Variants in NBN observed in about 807,000 individuals in gnomAD.
The protein encoded by NBN is nibrin.
A neutral mutation model predicts 90.8 loss-of-function variants in NBN; 88 were observed. The ratio of observed to expected loss-of-function variants is 0.97; its 90% CI spans 0.82 to 1.16. The LOEUF is 1.16. NBN is among the 50% of genes most tolerant of loss of function. The pLI, the probability that NBN is intolerant of heterozygous loss-of-function variation, is 0.00. For missense variants in NBN, 894 were observed against 869.6 expected, an observed-to-expected ratio of 1.03 and a Z score of -0.35; for synonymous variants, 328 against 295.1, an observed-to-expected ratio of 1.11 and a Z score of -1.14.
intron 9 of NBN, among the ~76,000 whole-genome samples, chr8:89,956,849 G>A (rs899249161): frequency 2.0e-5 from 3 of 152,152 alleles, no homozygotes; most frequent in African/African-American, 7.2e-5. Flanking sequence ...TGCAACATAT[G>A]ATGCTGGTCC....
chr8:89,960,724 T>A (rs1438829343), intron 8 of NBN, among the ~76,000 whole-genome samples: 1 of 152,206 alleles, frequency 6.6e-6, no homozygotes, highest in East Asian at 1.9e-4. Flanking sequence ...AATTTTCTCC[T>A]TGTTAAAAAT....
chr8:89,941,468 C>G (rs1306551579), intron 14 of NBN, among the ~76,000 whole-genome samples: 3 of 152,176 alleles, frequency 2.0e-5, no homozygotes, highest in Non-Finnish European at 4.4e-5. Context: ...ACTACCCATT[C>G]CGACTTACAG....
At chr8:89,943,534 T>C (rs1218900937) in intron 13 of NBN, 168 bp from the exon 14 acceptor site, 1 of 215,412 alleles carries the variant, frequency 4.6e-6, no homozygotes, top group Non-Finnish European at 7.9e-6. Context: ...CCATCTGTTT[T>C]TGCCCTTCTT....
At chr8:89,950,697 A>G (rs910941707) in intron 11 of NBN, among the ~76,000 whole-genome samples, 52 of 152,228 alleles carry the variant, frequency 3.4e-4, no homozygotes, top group Admixed American at 3.1e-3. Flanking sequence ...TAAAATAATT[A>G]TATTTCCTCA....
chr8:89,981,702 C>A, intron 2 of NBN, 179 bp from the exon 3 acceptor site: 2 of 674,562 alleles, frequency 3.0e-6, no homozygotes, highest in South Asian at 1.9e-5. Context: ...CATATTTCCC[C>A]TTAGGGAAGT....
At chr8:89,939,936 A>G (rs1809862686) in intron 14 of NBN, among the ~76,000 whole-genome samples, 1 of 152,228 alleles carries the variant, frequency 6.6e-6, no homozygotes, top group South Asian at 2.1e-4. Flanking sequence ...CAAGCTGCAC[A>G]CAGCTCCAGC....
At chr8:89,937,137 C>A in intron 14 of NBN, 62 bp from the exon 15 acceptor site, 3 of 1,484,584 alleles carry the variant, frequency 2.0e-6, no homozygotes, top group Non-Finnish European at 2.8e-6. Flanking sequence ...TAATGAATTG[C>A]TATAGTGATA....
chr8:89,956,231 T>C (rs1254350220), intron 9 of NBN, among the ~76,000 whole-genome samples: 2 of 150,138 alleles, frequency 1.3e-5, no homozygotes, highest in Non-Finnish European at 3.0e-5. Context: ...GGTCAGGCTG[T>C]CATTCAAGCA....
At chr8:89,977,642 A>T (rs1284018577) in intron 5 of NBN, among the ~76,000 whole-genome samples, 1 of 152,218 alleles carries the variant, frequency 6.6e-6, no homozygotes, top group Non-Finnish European at 1.5e-5. Context: ...TCCTTAAGGA[A>T]TCACCACACT....
At chr8:89,959,643 A>G (rs932640824) in intron 8 of NBN, among the ~76,000 whole-genome samples, 3 of 151,930 alleles carry the variant, frequency 2.0e-5, no homozygotes, top group Admixed American at 6.6e-5. Context: ...AGTCCAAGCT[A>G]CTCAGGAGGC....
intron 15 of NBN, chr8:89,936,116 GTCTC>G (rs570752346): frequency 2.9e-6 from 1 of 347,876 alleles, no homozygotes; most frequent in Non-Finnish European, 5.4e-6. Context: ...TTGAGATGGA[GTCTC>G]TCTCTGGAGT....
chr8:89,977,653 G>A (rs988463385), intron 5 of NBN, among the ~76,000 whole-genome samples: 1 of 152,162 alleles, frequency 6.6e-6, no homozygotes, highest in Non-Finnish European at 1.5e-5. Context: ...TCACCACACT[G>A]TCTTCCATAA....
chr8:89,956,361 ACTT>A (rs1261979554), intron 9 of NBN, among the ~76,000 whole-genome samples: 1 of 152,148 alleles, frequency 6.6e-6, no homozygotes, highest in Non-Finnish European at 1.5e-5. Context: ...TAATATGAAC[ACTT>A]CATTATGTCA....
At chr8:89,945,916 C>T (rs904315466) in intron 13 of NBN, among the ~76,000 whole-genome samples, 5 of 152,102 alleles carry the variant, frequency 3.3e-5, no homozygotes, top group Non-Finnish European at 5.9e-5. Context: ...AGGTAAACAG[C>T]AACCTCTAAA....
At chr8:89,976,074 C>A (rs1811740933) in intron 5 of NBN, among the ~76,000 whole-genome samples, 1 of 152,156 alleles carries the variant, frequency 6.6e-6, no homozygotes, top group South Asian at 2.1e-4. Flanking sequence ...TCACTGCAAC[C>A]TCCACTTCCT....
rs1554559028 is a variant in NBN, at chr8:89,955,302, G to GA, written c.1377dup (p.Gln460SerfsTer11). ...ACAGACCTTTTTTTGGTAGACGGCTGAAAGTAGTTTCTGATGGAGTTGGTC... is the reference window on the plus strand; with the variant it reads ...ACAGACCTTTTTTTGGTAGACGGCTGAAAAGTAGTTTCTGATGGAGTTGGTC... On this transcript the variant is annotated frameshift_variant, in exon 10 of 16. Coordinates refer to ENST00000265433, the MANE Select transcript of NBN (RefSeq NM_002485.5). LOFTEE classifies it high-confidence loss of function. 1.2e-6 allele frequency: 2 copies of GA among 1,613,772 alleles called. No individual in the cohort carries two copies. The highest frequency in any genetic ancestry group is 1.7e-6 in the Non-Finnish European group (2 of 1,179,788).
At chr8:89,977,117 T>C (rs1486625620) in intron 5 of NBN, among the ~76,000 whole-genome samples, 2 of 152,146 alleles carry the variant, frequency 1.3e-5, no homozygotes, top group East Asian at 1.9e-4. Flanking sequence ...ATTTGTTACA[T>C]AGGTATCCAT....
Position 89,982,769 on chromosome 8 carries a change from T to C in NBN, c.124A>G (p.Ser42Gly). ...GCAGTTAACACAGCATGATTTCGGCTGATCGACTGATCATTTTCAATCAGA... is the reference window on the plus strand; with the variant it reads ...GCAGTTAACACAGCATGATTTCGGCCGATCGACTGATCATTTTCAATCAGA... The part of the protein sequence containing the change: ...AILIENDQSI[S>G]RNHAVLTANF... Residue 42 changes from serine to glycine, a missense_variant, in exon 2 of 16, where the codon AGC becomes GGC. Coordinates refer to ENST00000265433, the MANE Select transcript of NBN (RefSeq NM_002485.5). The C allele has an allele frequency of 6.2e-7, 1 of 1,614,052 alleles. No individual in the cohort carries two copies. The highest frequency in any genetic ancestry group is 8.5e-7 in the Non-Finnish European group (1 of 1,179,936).
In NBN at chr8:89,955,319, G is replaced by T. The variant is rs587780774; in HGVS notation, c.1361C>A (p.Ser454Tyr). 1.9e-6 allele frequency: 3 copies of T among 1,613,676 alleles called. No individual in the cohort carries two copies. The highest frequency in any genetic ancestry group is 1.7e-5 in the Admixed American group (1 of 59,988). Reference sequence around the variant, plus strand: ...AGACGGCTGAAAGTAGTTTCTGATGGAGTTGGTCTGCTGCTGCTGAGAAGC... The same window carrying T: ...AGACGGCTGAAAGTAGTTTCTGATGTAGTTGGTCTGCTGCTGCTGAGAAGC... ...DRASQQQQTN[S>Y]IRNYFQPSTK... Residue 454 changes from serine to tyrosine, a missense_variant, in exon 10 of 16, where the codon TCC (serine) becomes TAC (tyrosine). Coordinates refer to ENST00000265433, the MANE Select transcript of NBN (RefSeq NM_002485.5).
Sources: gnomAD v4.1 joint callset for allele counts (sites outside exome capture counted in the v4.1 genomes callset) on GRCh38, gnomAD v4.1.1 for gene constraint, MANE v1.5 for transcripts, NCBI Gene and HGNC (gene_info 2026-07-23, HGNC 2026-07-21) for gene names.